PBX1: variants seen among roughly 807,000 people sequenced by gnomAD.
PBX1 encodes pre-B-cell leukemia transcription factor 1.
In PBX1, 6 loss-of-function variants were observed where a neutral mutation model predicts 53.4. The ratio of observed to expected loss-of-function variants is 0.11; its 90% CI spans 0.06 to 0.22. PBX1 has a LOEUF of 0.22. Among genes scored for constraint, PBX1 ranks in the 10% least tolerant of loss-of-function variants. The probability of loss-of-function intolerance (pLI) is 1.00; values close to 1 mark genes in which losing one functional copy is unlikely to be tolerated. For synonymous variants in PBX1, 204 were observed against 212.3 expected, an observed-to-expected ratio of 0.96 and a Z score of 0.34; for missense variants, 251 against 551.4, an observed-to-expected ratio of 0.46 and a Z score of 5.46.
chr1:164,685,795 ACTC>A (rs1340376535), intron 2 of PBX1, among the ~76,000 whole-genome samples: 1 of 152,208 alleles, frequency 6.6e-6, no homozygotes, highest in Non-Finnish European at 1.5e-5. Context: ...CTGGACAGGA[ACTC>A]AGACTGTATG....
At chr1:164,765,476 A>T (rs572066989) in intron 2 of PBX1, among the ~76,000 whole-genome samples, 79 of 152,350 alleles carry the variant, frequency 5.2e-4, no homozygotes, top group African/African-American at 1.9e-3. Flanking sequence ...CTGGTGCCAG[A>T]TTTAAGGCAG....
chr1:164,592,970 T>TTTA (rs146217003), intron 2 of PBX1, among the ~76,000 whole-genome samples: 4 of 150,794 alleles, frequency 2.7e-5, no homozygotes, highest in African/African-American at 9.7e-5. Flanking sequence ...TTTTTTTTTT[T>TTTA]AATTTGAGAC....
In PBX1 at chr1:164,560,480, C is replaced by T. The variant is rs917303501; in HGVS notation, c.191+467C>T. The T allele has an allele frequency of 2.0e-4, 60 of 302,176 alleles. 1 individual carries two copies. The highest frequency in any genetic ancestry group is 1.3e-3 in the African/African-American group (58 of 46,386). The allele number at this position is 302,176 out of a possible 1,614,324, so 18.7% of individuals were successfully genotyped here. On this transcript the variant is annotated intron_variant, in intron 1 of 8. Coordinates refer to ENST00000420696, the MANE Select transcript of PBX1 (RefSeq NM_002585.4). ...ATTTGCAAATTTAGTTGACTCCTTA[C>T]CTAATTCAGCGAGTTTGATTTTCTT...
chr1:164,782,041 C>A (rs1667958391), intron 2 of PBX1, among the ~76,000 whole-genome samples: 1 of 152,176 alleles, frequency 6.6e-6, no homozygotes, highest in Non-Finnish European at 1.5e-5. Flanking sequence ...CTCTGAAAAA[C>A]CCCAAAATAA....
At chr1:164,614,185 C>T (rs1167114958) in intron 2 of PBX1, among the ~76,000 whole-genome samples, 1 of 152,124 alleles carries the variant, frequency 6.6e-6, no homozygotes. Context: ...TGTGGAAGTA[C>T]ATGAAAGAAG....
intron 2 of PBX1, among the ~76,000 whole-genome samples, chr1:164,765,257 T>G (rs556336352): frequency 2.0e-5 from 3 of 152,348 alleles, no homozygotes; most frequent in African/African-American, 7.2e-5. Flanking sequence ...GTGTTATCTT[T>G]AAAAACAAAT....
chr1:164,684,417 A>G (rs1337683735), intron 2 of PBX1: 1 of 152,334 alleles, frequency 6.6e-6, no homozygotes, highest in Non-Finnish European at 1.5e-5. Context: ...AAGGCAATCT[A>G]TGCTTTACTG....
chr1:164,592,225 A>C (rs1655437993), intron 2 of PBX1, among the ~76,000 whole-genome samples: 2 of 152,202 alleles, frequency 1.3e-5, no homozygotes, highest in African/African-American at 4.8e-5. Context: ...TGAAATCTTC[A>C]CAGGGCTCAT....
intron 2 of PBX1, among the ~76,000 whole-genome samples, chr1:164,632,048 AC>A (rs1658444755): frequency 6.6e-6 from 1 of 152,112 alleles, no homozygotes; most frequent in South Asian, 2.1e-4. Flanking sequence ...ATTTAGTCTG[AC>A]CCTTAGCATC....
chr1:164,593,732 C>T (rs1655566991), intron 2 of PBX1, among the ~76,000 whole-genome samples: 1 of 152,120 alleles, frequency 6.6e-6, no homozygotes, highest in South Asian at 2.1e-4. Context: ...CCATGTACTT[C>T]CTTTAAAATA....
At chr1:164,817,138 T>A (rs1205025539) in intron 6 of PBX1, 1 of 152,174 alleles carries the variant, frequency 6.6e-6, no homozygotes, top group East Asian at 1.9e-4. Context: ...GACAACCACA[T>A]CTTAAAATGT....
At chr1:164,611,578 C>T (rs534519609) in intron 2 of PBX1, among the ~76,000 whole-genome samples, 2 of 152,170 alleles carry the variant, frequency 1.3e-5, no homozygotes, top group African/African-American at 4.8e-5. Flanking sequence ...TACATAATCA[C>T]TGGGGCTCAG....
chr1:164,837,888 A>G (rs1107533), intron 8 of PBX1, among the ~76,000 whole-genome samples: 44,090 of 152,136 alleles, frequency 0.29, 6,790 homozygotes, highest in African/African-American at 0.38. Flanking sequence ...CTCCTATACT[A>G]TGTGAGTTAT....
At chr1:164,657,810 T>G (rs546166902) in intron 2 of PBX1, among the ~76,000 whole-genome samples, 8 of 152,340 alleles carry the variant, frequency 5.3e-5, no homozygotes, top group African/African-American at 1.9e-4. Context: ...CACCCTGATC[T>G]GTGTGGCTTT....
chr1:164,603,554 C>T (rs1317270051), intron 2 of PBX1, among the ~76,000 whole-genome samples: 1 of 152,152 alleles, frequency 6.6e-6, no homozygotes, highest in African/African-American at 2.4e-5. Context: ...CAAAAGAAAT[C>T]CTTGTATAAT....
intron 2 of PBX1, among the ~76,000 whole-genome samples, chr1:164,673,342 C>G (rs1557932645): frequency 6.6e-6 from 1 of 152,108 alleles, no homozygotes; most frequent in Non-Finnish European, 1.5e-5. Context: ...GCGCCCAGAA[C>G]CTGGATTTCT....
At chr1:164,845,546 A>G (rs17392895) in intron 8 of PBX1, among the ~76,000 whole-genome samples, 7,107 of 152,310 alleles carry the variant, frequency 0.047, 199 homozygotes, top group East Asian at 0.072. Context: ...TAGCACACTT[A>G]TATTTCAATG....
At chr1:164,679,723 C>T (rs563964882) in intron 2 of PBX1, among the ~76,000 whole-genome samples, 1 of 152,298 alleles carries the variant, frequency 6.6e-6, no homozygotes, top group African/African-American at 2.4e-5. Flanking sequence ...TCGTATGTTT[C>T]ACAGTTATGT....
chr1:164,715,162 C>T (rs1471784247), intron 2 of PBX1, among the ~76,000 whole-genome samples: 1 of 152,040 alleles, frequency 6.6e-6, no homozygotes, highest in African/African-American at 2.4e-5. Context: ...ATGAATATGA[C>T]TTTTAATTGG....
Sources: gnomAD v4.1 joint callset for allele counts (sites outside exome capture counted in the v4.1 genomes callset) on GRCh38, gnomAD v4.1.1 for gene constraint, MANE v1.5 for transcripts, NCBI Gene and HGNC (gene_info 2026-07-23, HGNC 2026-07-21) for gene names.